Variants in GRTP1 observed in about 807,000 individuals in gnomAD.
GRTP1 encodes the protein growth hormone regulated TBC protein 1, also known as growth hormone-regulated TBC protein 1.
A neutral mutation model predicts 38.1 loss-of-function variants in GRTP1; 56 were observed. That is an observed-to-expected ratio of 1.47 (90% CI 1.19 to 1.84). The LOEUF (loss-of-function observed/expected upper bound fraction) is 1.84, where lower values mean the gene tolerates loss of function less well. Among genes scored for constraint, GRTP1 ranks in the 40% most tolerant of loss-of-function variants. GRTP1 has a pLI of 0.00. For synonymous variants in GRTP1, 217 were observed against 189.5 expected (o/e 1.14, Z -1.19); for missense variants, 506 against 453.9 (o/e 1.11, Z -1.04).
rs12860214 is a variant in GRTP1 at position 113,347,589 on chromosome 13, T to C, written c.466-2630A>G. On this transcript the variant is annotated intron_variant, in intron 4 of 7. Transcript: ENST00000375431. Reference sequence around the variant, plus strand: ...GCAGACCCAGGAGGACCTCTGTGGCTGAGAACAGACCCGGGAGGACCTCTG... The same window carrying C: ...GCAGACCCAGGAGGACCTCTGTGGCCGAGAACAGACCCGGGAGGACCTCTG... Among the ~76,000 whole-genome samples the C allele has an allele frequency of 5.1e-3, 172 of 33,944 alleles. 7 individuals carry two copies. The highest frequency in any genetic ancestry group is 0.011 in the African/African-American group (77 of 7,120). 22.3% of individuals were successfully genotyped at this position (33,944 alleles called of 152,430 possible).
intron 5 of GRTP1, among the ~76,000 whole-genome samples, chr13:113,328,190 T>C (rs775377043): frequency 6.6e-6 from 1 of 152,114 alleles, no homozygotes; most frequent in Non-Finnish European, 1.5e-5. Context: ...TCCCTGTCCT[T>C]CTGGGGACAT....
intron 4 of GRTP1, among the ~76,000 whole-genome samples, chr13:113,346,205 C>G (rs796097302): frequency 9.1e-6 from 1 of 109,836 alleles, no homozygotes; most frequent in Non-Finnish European, 1.8e-5. Flanking sequence ...AGAGCAGACC[C>G]GGGAGGACCT....
At chr13:113,332,703 T>C (rs2042894850) in intron 5 of GRTP1, among the ~76,000 whole-genome samples, 1 of 152,268 alleles carries the variant, frequency 6.6e-6, no homozygotes, top group Non-Finnish European at 1.5e-5. Flanking sequence ...AAAGGCCCAG[T>C]GACACACATT....
chr13:113,355,290 C>A, intron 3 of GRTP1, 33 bp downstream of exon 3: 1 of 1,608,298 alleles, frequency 6.2e-7, no homozygotes, highest in African/African-American at 1.3e-5. Context: ...GGCCCCCGGG[C>A]CCTGCACCAG....
intron 2 of GRTP1, among the ~76,000 whole-genome samples, chr13:113,363,517 T>G (rs1392969716): frequency 4.6e-5 from 7 of 152,152 alleles, no homozygotes; most frequent in Admixed American, 4.6e-4. Flanking sequence ...GATCGAGTTT[T>G]GATCCATCCC....
rs147333487 is a variant in GRTP1 at position 113,328,524 on chromosome 13, TCAAA to T, written c.563-2437_563-2434del. On this transcript the variant is annotated intron_variant, in intron 5 of 7. Coordinates refer to ENST00000375431, the MANE Select transcript of GRTP1 (RefSeq NM_024719.4). The stretch of plus-strand genomic sequence containing the variant: ...AAAACAAAAGGTGTGAGTTGAAGAC[TCAAA>T]CAATTTTTTGAGACAGGGTCTCACT... Among the ~76,000 whole-genome samples, 358 of 152,088 alleles carry T rather than the reference TCAAA, an allele frequency of 2.4e-3. 5 individuals are homozygous for T. Among genetic ancestry groups the T allele is most frequent in the African/African-American group, 8.2e-3 (341 of 41,558 alleles).
rs1429241876 is a variant in GRTP1, at chr13:113,350,875, G to A, written c.439C>T (p.His147Tyr). 1.3e-6 allele frequency: 2 copies of A among 1,587,040 alleles called. No individual in the cohort carries two copies. The highest frequency in any genetic ancestry group is 1.7e-5 in the Admixed American group (1 of 58,608). The change falls in exon 4 of 8, where the codon CAT becomes TAT. Residue 147 changes from histidine to tyrosine, a missense_variant. His to Tyr is a moderately conservative substitution (Grantham distance 83, BLOSUM62 2). Transcript: ENST00000375431. ...TGGCAGTAGCCCACTCCCTGGTTATGGTGCCCATATGCCAGCAGCACATTG... is the reference window on the plus strand; with the variant it reads ...TGGCAGTAGCCCACTCCCTGGTTATAGTGCCCATATGCCAGCAGCACATTG... ...LYNVLLAYGH[H>Y]NQGVGYCQGM... is the part of the protein sequence containing the mutation.
rs2042763830 is a variant in GRTP1 at position 113,326,094 on chromosome 13, G to A, written c.563-3C>T. ...CAGCATGGCCGGGCTGTAGTAATCT[G>A]CCAGGCAATGTGGAGAAAAGACCCC... On this transcript the variant is annotated splice_region_variant and splice_polypyrimidine_tract_variant and intron_variant, in intron 5 of 7. Coordinates refer to ENST00000375431, the MANE Select transcript of GRTP1 (RefSeq NM_024719.4). 6.2e-7 allele frequency: 1 copy of A among 1,606,722 alleles called. No homozygotes were observed. Among genetic ancestry groups the A allele is most frequent in the African/African-American group, 1.3e-5 (1 of 74,992 alleles).
intron 2 of GRTP1, 21 bp from the exon 3 acceptor site, chr13:113,355,502 C>G (rs377088614): frequency 1.3e-6 from 2 of 1,598,032 alleles, no homozygotes; most frequent in Admixed American, 3.4e-5. Flanking sequence ...AGAGGACGGA[C>G]AGCGTGTGAG....
intron 5 of GRTP1, among the ~76,000 whole-genome samples, chr13:113,329,464 G>T: frequency 6.6e-6 from 1 of 152,116 alleles, no homozygotes; most frequent in East Asian, 1.9e-4. Context: ...TGTAATCCCA[G>T]CTACTCAGCT....
chr13:113,334,070 G>C (rs978216356), intron 5 of GRTP1, among the ~76,000 whole-genome samples: 1 of 151,964 alleles, frequency 6.6e-6, no homozygotes, highest in African/African-American at 2.4e-5. Flanking sequence ...CCTGACCCCA[G>C]GTGATCTGCC....
chr13:113,336,085 C>T (rs1460491678), intron 5 of GRTP1, among the ~76,000 whole-genome samples: 1 of 152,174 alleles, frequency 6.6e-6, no homozygotes, highest in East Asian at 1.9e-4. Context: ...AGCCACCACG[C>T]CTGGCCAGGA....
chr13:113,325,358 G>A, intron 7 of GRTP1: 5 of 1,426,658 alleles, frequency 3.5e-6, no homozygotes, highest in Non-Finnish European at 4.6e-6. Flanking sequence ...CCAGGACCCA[G>A]TGGGGAGGCC....
intron 3 of GRTP1, among the ~76,000 whole-genome samples, chr13:113,354,402 C>T (rs989224702): frequency 6.6e-6 from 1 of 152,220 alleles, no homozygotes; most frequent in African/African-American, 2.4e-5. Context: ...TCTAACCTCT[C>T]AGCACTTTAA....
Position 113,330,301 on chromosome 13 carries a change from G to C in GRTP1, c.563-4210C>G, listed in dbSNP as rs80234794. Among the ~76,000 whole-genome samples the C allele has an allele frequency of 1.7e-5, 2 of 114,576 alleles. 1 individual carries two copies. The highest frequency in any genetic ancestry group is 6.5e-4 in the South Asian group (2 of 3,082). The allele number at this position is 114,576 out of a possible 152,430, so 75.2% of individuals were successfully genotyped here. ...GGTGTGTGCGTGGAAACTCAGGTGCGTGCATGGAGCCCAGGTGCGTGGATG... is the reference window on the plus strand; with the variant it reads ...GGTGTGTGCGTGGAAACTCAGGTGCCTGCATGGAGCCCAGGTGCGTGGATG... On this transcript the variant is annotated intron_variant, in intron 5 of 7. Coordinates refer to ENST00000375431, the MANE Select transcript of GRTP1 (RefSeq NM_024719.4).
At chr13:113,328,283 A>G (rs1028823369) in intron 5 of GRTP1, among the ~76,000 whole-genome samples, 1 of 152,324 alleles carries the variant, frequency 6.6e-6, no homozygotes, top group South Asian at 2.1e-4. Flanking sequence ...ACGGGGGCAC[A>G]GCTCTGACAC....
rs1296915814 is a variant in GRTP1, at chr13:113,353,860, G to A, written c.340+1463C>T. 5.3e-5 allele frequency among the ~76,000 whole-genome samples: 8 copies of A among 152,106 alleles called. No homozygotes were observed. The South Asian group carries it at 6.2e-4, about 12-fold the overall frequency. On this transcript the variant is annotated intron_variant, in intron 3 of 7. Coordinates refer to ENST00000375431, the MANE Select transcript of GRTP1 (RefSeq NM_024719.4). ...GAAGGAGGGCGAATCCTCAGAGCCC[G>A]GGAGTTCAAGACCAAAACCCCATCT...
rs867211607 is a variant in GRTP1 at position 113,346,698 on chromosome 13, G to A, written c.466-1739C>T. Among the ~76,000 whole-genome samples the A allele has an allele frequency of 5.3e-3, 4 of 752 alleles. 2 individuals carry two copies. Among genetic ancestry groups the A allele is most frequent in the African/African-American group, 0.051 (4 of 78 alleles). The allele number at this position is 752 out of a possible 152,430, so 0.5% of individuals were successfully genotyped here. A position where few individuals can be genotyped will look rare whatever the true frequency, so the allele number is the denominator to read the frequency against. ...CGGATCTGGGAGGACCTCTGTGGCA[G>A]AGAGCAGACCCGGGAGGACCTCTGT... is the stretch of plus-strand genomic sequence containing the variant. On this transcript the variant is annotated intron_variant, in intron 4 of 7. Coordinates refer to ENST00000375431, the MANE Select transcript of GRTP1 (RefSeq NM_024719.4).
intron 5 of GRTP1, 111 bp from the exon 6 acceptor site, chr13:113,326,202 C>T: frequency 2.2e-6 from 3 of 1,341,096 alleles, no homozygotes; most frequent in Non-Finnish European, 3.0e-6. Context: ...GGACCCCTCC[C>T]AAGAGGGAGG....
Sources: allele counts gnomAD v4.1 joint callset (sites outside exome capture counted in the v4.1 genomes callset), GRCh38; gene constraint gnomAD v4.1.1; transcripts MANE v1.5; gene names NCBI Gene and HGNC (gene_info 2026-07-23, HGNC 2026-07-21).